The following NALF1 variants were observed in gnomAD, a reference collection of about 807,000 sequenced individuals.
The protein encoded by NALF1 is family with sequence similarity 155 member A.
NALF1 carries 3 observed loss-of-function variants against 48.4 expected under a neutral mutation model. The ratio of observed to expected loss-of-function variants is 0.06; its 90% CI spans 0.03 to 0.16. The LOEUF (loss-of-function observed/expected upper bound fraction) is 0.16. NALF1 is among the 10% of genes least tolerant of loss of function. The pLI is 1.00. For missense variants in NALF1, 526 were observed against 571.5 expected (o/e 0.92, Z 0.81); for synonymous variants, 262 against 245.7 (o/e 1.07, Z -0.62).
intron 1 of NALF1, among the ~76,000 whole-genome samples, chr13:107,861,800 G>C (rs1656821612): frequency 6.6e-6 from 1 of 152,160 alleles, no homozygotes; most frequent in Admixed American, 6.5e-5. Flanking sequence ...TCTTCAGTGT[G>C]TAACACTAAA....
intron 2 of NALF1, among the ~76,000 whole-genome samples, chr13:107,201,025 C>T (rs1304099254): frequency 2.0e-5 from 3 of 152,174 alleles, no homozygotes; most frequent in Non-Finnish European, 4.4e-5. Flanking sequence ...CATCGGCAGA[C>T]ACGCCACTGC....
intron 1 of NALF1, among the ~76,000 whole-genome samples, chr13:107,621,391 A>C (rs1204224024): frequency 1.3e-5 from 2 of 152,210 alleles, no homozygotes; most frequent in African/African-American, 2.4e-5. Flanking sequence ...AGAAGCTGTG[A>C]ACTGTGAGAA....
At chr13:107,307,861 A>G (rs1881967749) in intron 1 of NALF1, among the ~76,000 whole-genome samples, 1 of 152,214 alleles carries the variant, frequency 6.6e-6, no homozygotes, top group South Asian at 2.1e-4. Flanking sequence ...CAATACACTT[A>G]AAGAAAATCT....
At chr13:107,865,352 A>G (rs1166719621) in intron 1 of NALF1, among the ~76,000 whole-genome samples, 1 of 152,170 alleles carries the variant, frequency 6.6e-6, no homozygotes, top group Non-Finnish European at 1.5e-5. Flanking sequence ...TCCTGACAAG[A>G]CTTTTTCAAC....
At chr13:107,530,288 A>T (rs1039728726) in intron 1 of NALF1, among the ~76,000 whole-genome samples, 8 of 152,138 alleles carry the variant, frequency 5.3e-5, no homozygotes, top group Non-Finnish European at 1.2e-4. Context: ...TTCATAGCAT[A>T]TATCCCAATC....
At chr13:107,850,100 T>C (rs1172262682) in intron 1 of NALF1, among the ~76,000 whole-genome samples, 2 of 152,194 alleles carry the variant, frequency 1.3e-5, no homozygotes, top group Non-Finnish European at 2.9e-5. Flanking sequence ...TGCTGTGCCC[T>C]AGGCCTTAGT....
chr13:107,526,755 A>T (rs2139102566), intron 1 of NALF1, among the ~76,000 whole-genome samples: 1 of 152,252 alleles, frequency 6.6e-6, no homozygotes, highest in South Asian at 2.1e-4. Context: ...GTGTTTAGAG[A>T]GCATTAAACT....
intron 1 of NALF1, among the ~76,000 whole-genome samples, chr13:107,515,108 T>A (rs1430801941): frequency 6.6e-6 from 1 of 152,164 alleles, no homozygotes; most frequent in East Asian, 1.9e-4. Flanking sequence ...GGTGTACCCC[T>A]CTAAATGGAA....
At position 107,606,464 on chromosome 13, in the gene NALF1, C is replaced by T. The variant is rs1054296771; in HGVS notation, c.915+259218G>A. 2.6e-5 allele frequency among the ~76,000 whole-genome samples: 4 copies of T among 152,088 alleles called. No individual in the cohort carries two copies. The East Asian group carries it at 5.8e-4, about 22-fold the overall frequency. Reference sequence around the variant, plus strand: ...CACTGCAACCTCTGCCTCCAGGGTTCAAGCGATTCTCCTGCCTCAGCCTCC... The same window carrying T: ...CACTGCAACCTCTGCCTCCAGGGTTTAAGCGATTCTCCTGCCTCAGCCTCC... On this transcript the variant is annotated intron_variant, in intron 1 of 2. Coordinates refer to ENST00000375915, the MANE Select transcript of NALF1 (RefSeq NM_001080396.3).
At chr13:107,476,843 T>C (rs2139057214) in intron 1 of NALF1, among the ~76,000 whole-genome samples, 1 of 152,212 alleles carries the variant, frequency 6.6e-6, no homozygotes, top group African/African-American at 2.4e-5. Flanking sequence ...GTTCTTCTAA[T>C]GAGCCAAGAG....
intron 1 of NALF1, among the ~76,000 whole-genome samples, chr13:107,579,104 T>G (rs989531239): frequency 5.3e-5 from 8 of 152,190 alleles, no homozygotes; most frequent in Admixed American, 2.0e-4. Context: ...AATATTCAGT[T>G]TTTTTGAGAC....
chr13:107,750,196 G>C (rs776003493), intron 1 of NALF1, among the ~76,000 whole-genome samples: 8 of 152,258 alleles, frequency 5.3e-5, no homozygotes, highest in Non-Finnish European at 1.0e-4. Context: ...TGCCACACTG[G>C]GACGTGCGGA....
At position 107,380,430 on chromosome 13, in the gene NALF1, A is replaced by C. The variant is rs543069678; in HGVS notation, c.916-169675T>G. On this transcript the variant is annotated intron_variant, in intron 1 of 2. Transcript: ENST00000375915. ...AAGTATGACTTGAACGCTTTAACCA[A>C]GGAAATATAAAACATGTGTCTATAT... Among the ~76,000 whole-genome samples, 33 of 152,268 alleles carry C rather than the reference A, an allele frequency of 2.2e-4. No homozygotes were observed. The South Asian group carries it at 6.8e-3, about 32-fold the overall frequency.
At chr13:107,543,304 T>C (rs1218274987) in intron 1 of NALF1, among the ~76,000 whole-genome samples, 2 of 152,036 alleles carry the variant, frequency 1.3e-5, no homozygotes, top group East Asian at 3.8e-4. Context: ...TTTAGCCCAC[T>C]TTATATAAAA....
chr13:107,601,794 T>G (rs992331774), intron 1 of NALF1, among the ~76,000 whole-genome samples: 5 of 151,880 alleles, frequency 3.3e-5, no homozygotes, highest in Non-Finnish European at 7.4e-5. Context: ...AAGGTGGAAA[T>G]AGAGTATGTT....
At chr13:107,259,336 T>A (rs1266628941) in intron 1 of NALF1, among the ~76,000 whole-genome samples, 1 of 152,184 alleles carries the variant, frequency 6.6e-6, no homozygotes, top group East Asian at 1.9e-4. Flanking sequence ...AAGAACTGAA[T>A]TCATTGAATT....
At chr13:107,774,244 A>G (rs2138572670) in intron 1 of NALF1, among the ~76,000 whole-genome samples, 1 of 152,316 alleles carries the variant, frequency 6.6e-6, no homozygotes, top group African/African-American at 2.4e-5. Flanking sequence ...CAGAGCTCCA[A>G]TTCTGCATAT....
At chr13:107,606,928 C>G (rs1159518524) in intron 1 of NALF1, among the ~76,000 whole-genome samples, 1 of 152,134 alleles carries the variant, frequency 6.6e-6, no homozygotes, top group Non-Finnish European at 1.5e-5. Context: ...ACATTGCTAA[C>G]ATTATCAAAG....
At chr13:107,492,926 T>C (rs1875193193) in intron 1 of NALF1, among the ~76,000 whole-genome samples, 1 of 152,164 alleles carries the variant, frequency 6.6e-6, no homozygotes, top group African/African-American at 2.4e-5. Context: ...TATTAATATG[T>C]AGAATAATTA....
Sources: allele counts gnomAD v4.1 joint callset (sites outside exome capture counted in the v4.1 genomes callset), GRCh38; gene constraint gnomAD v4.1.1; transcripts MANE v1.5; gene names NCBI Gene and HGNC (gene_info 2026-07-23, HGNC 2026-07-21).